NR2C2: variants seen among roughly 807,000 people sequenced by gnomAD.
NR2C2 encodes the protein nuclear receptor subfamily 2 group C member 2.
In NR2C2, 6 loss-of-function variants were observed where a neutral mutation model predicts 62.9. The ratio of observed to expected loss-of-function variants is 0.10; its 90% CI spans 0.05 to 0.19. NR2C2 has a LOEUF of 0.19. NR2C2 is among the 10% of genes least tolerant of loss of function. The probability of loss-of-function intolerance (pLI) is 1.00; values close to 1 mark genes in which losing one functional copy is unlikely to be tolerated. For synonymous variants in NR2C2, 272 were observed against 273.8 expected, an observed-to-expected ratio of 0.99 and a Z score of 0.07; for missense variants, 479 against 762.7, an observed-to-expected ratio of 0.63 and a Z score of 4.38.
chr3:15,001,738 TAC>T (rs1287427765), intron 1 of NR2C2, among the ~76,000 whole-genome samples: 2 of 152,120 alleles, frequency 1.3e-5, no homozygotes, highest in African/African-American at 4.8e-5. Context: ...CACCTTAACC[TAC>T]TGAGTACCCG....
chr3:14,967,356 A>G (rs2039887870), intron 1 of NR2C2, among the ~76,000 whole-genome samples: 1 of 151,604 alleles, frequency 6.6e-6, no homozygotes, highest in African/African-American at 2.4e-5. Context: ...TGTTTCTTTA[A>G]TTTTTGTTAA....
At position 15,016,230 on chromosome 3, in the gene NR2C2, G is replaced by A; in HGVS notation, c.352G>A (p.Val118Met). The stretch of plus-strand genomic sequence containing the variant: ...GCGGCCCCAGGTGGTAGAGTACTGT[G>A]TGGTCTGTGGCGACAAAGCCTCCGG... ...VQRPQVVEYCVVCGDKASGRH... is the reference protein window; with the variant it reads ...VQRPQVVEYCMVCGDKASGRH... Residue 118 changes from valine to methionine, a missense_variant, in exon 4 of 14, where the codon GTG becomes ATG. By Grantham distance (21) the Val-to-Met change is conservative. Transcript: ENST00000425241. 1 of 1,614,066 alleles carries A rather than the reference G, an allele frequency of 6.2e-7. No individual in the cohort carries two copies. Among genetic ancestry groups the A allele is most frequent in the Admixed American group, 1.7e-5 (1 of 60,016 alleles).
At chr3:15,022,474 G>C (rs113119287) in intron 5 of NR2C2, among the ~76,000 whole-genome samples, 1 of 140,692 alleles carries the variant, frequency 7.1e-6, no homozygotes, top group African/African-American at 2.7e-5. Context: ...GCCGCGTCTT[G>C]GCTCACTGCA....
At chr3:15,042,775 T>G in intron 13 of NR2C2, 59 bp from the exon 14 acceptor site, 1 of 1,534,030 alleles carries the variant, frequency 6.5e-7, no homozygotes, top group South Asian at 1.2e-5. Flanking sequence ...GAGCCTTTGC[T>G]GAGCTGTGGT....
At chr3:15,042,797 A>C (rs2042315646) in intron 13 of NR2C2, 37 bp from the exon 14 acceptor site, 1 of 1,597,408 alleles carries the variant, frequency 6.3e-7, no homozygotes, top group Non-Finnish European at 8.5e-7. Flanking sequence ...GAAGGGCATC[A>C]AACAGTCTCC....
At chr3:15,032,589 G>A (rs2042007836) in intron 10 of NR2C2, 89 bp downstream of exon 10, 7 of 1,509,788 alleles carry the variant, frequency 4.6e-6, no homozygotes, top group Non-Finnish European at 5.5e-6. Flanking sequence ...GGCCTGTCTA[G>A]TTTGACTGTT....
chr3:14,969,524 A>C (rs2039975200), intron 1 of NR2C2, among the ~76,000 whole-genome samples: 1 of 152,154 alleles, frequency 6.6e-6, no homozygotes. Context: ...TACAGGCGTG[A>C]GCCACCATGC....
chr3:15,032,574 C>G (rs1485686208), intron 10 of NR2C2, 74 bp downstream of exon 10: 5 of 1,572,390 alleles, frequency 3.2e-6, no homozygotes, highest in African/African-American at 1.4e-5. Context: ...TGGAAGAACT[C>G]TGAGGGCCTG....
At chr3:15,030,246 A>G in intron 8 of NR2C2, 29 bp from the exon 9 acceptor site, 3 of 1,589,006 alleles carry the variant, frequency 1.9e-6, no homozygotes, top group African/African-American at 1.4e-5. Context: ...TAGATTCACA[A>G]CAATTACATG....
At chr3:14,996,977 AAAGT>A (rs1364985883) in intron 1 of NR2C2, among the ~76,000 whole-genome samples, 2 of 152,350 alleles carry the variant, frequency 1.3e-5, no homozygotes, top group African/African-American at 4.8e-5. Flanking sequence ...TCTTGCAAAT[AAAGT>A]AAGGACCTGA....
At position 15,044,474 on chromosome 3, in the gene NR2C2, T is replaced by C. The variant is rs961003604; in HGVS notation, c.*1466T>C. 14 of 152,208 alleles carry C rather than the reference T, an allele frequency of 9.2e-5. No individual in the cohort carries two copies. The highest frequency in any genetic ancestry group is 2.9e-4 in the African/African-American group (12 of 41,464). 9.4% of individuals were successfully genotyped at this position (152,208 alleles called of 1,614,324 possible). ...ACAGTATGCGCTTAAAAGGAAGTTA[T>C]GTCTAACTTCAAACACCCGTAAATT... On this transcript the variant is annotated 3_prime_UTR_variant, in exon 14 of 14. Transcript: ENST00000425241.
At position 15,032,385 on chromosome 3, in the gene NR2C2, A is replaced by G. The variant is rs766957017; in HGVS notation, c.1117A>G (p.Met373Val). The G allele has an allele frequency of 1.2e-6, 2 of 1,614,058 alleles. No homozygotes were observed. Among genetic ancestry groups the G allele is most frequent in the East Asian group, 2.2e-5 (1 of 44,900 alleles). ...TGTGCCTCCTCTTTTCCAGCTAACAATGCCCAGTCCAATGCCAGAGTACCT... is the reference window on the plus strand; with the variant it reads ...TGTGCCTCCTCTTTTCCAGCTAACAGTGCCCAGTCCAATGCCAGAGTACCT... ...SDTHVTFKLT[M>V]PSPMPEYLNV... is the part of the protein sequence containing the mutation. Residue 373 changes from methionine (M) to valine (V), a missense_variant, in exon 10 of 14, where the codon ATG (methionine) becomes GTG (valine). Transcript: ENST00000425241.
intron 1 of NR2C2, among the ~76,000 whole-genome samples, chr3:14,997,722 T>C (rs747980419): frequency 1.8e-4 from 27 of 152,324 alleles, no homozygotes; most frequent in South Asian, 4.1e-4. Flanking sequence ...TTAAAATGTA[T>C]GCTTATGAAA....
chr3:15,033,639 CTTTTTTTT>C (rs58524753), intron 10 of NR2C2, among the ~76,000 whole-genome samples: 97 of 84,828 alleles, frequency 1.1e-3, no homozygotes, highest in Non-Finnish European at 1.9e-3. Flanking sequence ...TAACCTCAGG[CTTTTTTTT>C]TTTTTTTTTT....
intron 1 of NR2C2, among the ~76,000 whole-genome samples, chr3:14,974,609 G>GT (rs563116807): frequency 0.088 from 12,159 of 138,690 alleles, 535 homozygotes; most frequent in Middle Eastern, 0.11. Context: ...TTTTTTGTTG[G>GT]TTTTTTTTTT....
chr3:15,017,603 G>C (rs2041546860), intron 4 of NR2C2, among the ~76,000 whole-genome samples: 1 of 152,174 alleles, frequency 6.6e-6, no homozygotes, highest in African/African-American at 2.4e-5. Flanking sequence ...TGAGCTTAAA[G>C]GAAAGGCCTA....
chr3:14,973,365 C>G (rs2040105900), intron 1 of NR2C2, among the ~76,000 whole-genome samples: 1 of 151,728 alleles, frequency 6.6e-6, no homozygotes, highest in African/African-American at 2.4e-5. Flanking sequence ...ACTGCTGGGA[C>G]TACAGGTGTA....
chr3:15,028,539 T>G, intron 7 of NR2C2, 47 bp from the exon 8 acceptor site: 4 of 1,583,702 alleles, frequency 2.5e-6, no homozygotes, highest in Non-Finnish European at 2.6e-6. Flanking sequence ...TGAGAGTCAT[T>G]TGCGTATCTG....
rs1026329694 is a variant in NR2C2, at chr3:15,047,708, A to G, written c.*4700A>G. 1.3e-5 allele frequency: 2 copies of G among 152,240 alleles called. No individual in the cohort carries two copies. The highest frequency in any genetic ancestry group is 6.5e-5 in the Admixed American group (1 of 15,284). The allele number at this position is 152,240 out of a possible 1,614,324, so 9.4% of individuals were successfully genotyped here. ...CATCTTTCTATCGCCAGTTAAAAAT[A>G]AACAACCTACCAAGTATTATTCTTT... On this transcript the variant is annotated 3_prime_UTR_variant, in exon 14 of 14. Coordinates refer to ENST00000425241, the MANE Select transcript of NR2C2 (RefSeq NM_001291694.2).
Sources: allele counts gnomAD v4.1 joint callset (sites outside exome capture counted in the v4.1 genomes callset), GRCh38; gene constraint gnomAD v4.1.1; transcripts MANE v1.5; gene names NCBI Gene and HGNC (gene_info 2026-07-23, HGNC 2026-07-21).